Variants in PITPNC1 observed in about 807,000 individuals in gnomAD.
The protein encoded by PITPNC1 is phosphatidylinositol transfer protein cytoplasmic 1, also known as cytoplasmic phosphatidylinositol transfer protein 1.
Under a neutral mutation model 44.7 loss-of-function variants are expected in PITPNC1, and 18 were observed. The ratio of observed to expected loss-of-function variants is 0.40; its 90% confidence interval spans 0.28 to 0.60. The LOEUF (loss-of-function observed/expected upper bound fraction) is 0.60. PITPNC1 is among the 20% of genes least tolerant of loss of function. The probability of loss-of-function intolerance (pLI) is 0.39; values close to 1 mark genes in which losing one functional copy is unlikely to be tolerated. For synonymous variants in PITPNC1, 141 were observed against 149.6 expected (o/e 0.94, Z 0.42); for missense variants, 290 against 418.4 (o/e 0.69, Z 2.68).
chr17:67,575,099 G>C (rs917950912), intron 4 of PITPNC1, among the ~76,000 whole-genome samples: 2 of 151,946 alleles, frequency 1.3e-5, no homozygotes, highest in Non-Finnish European at 1.5e-5. Flanking sequence ...CTGGTGCACC[G>C]AGACCCACAC....
chr17:67,552,421 A>G, intron 3 of PITPNC1, 76 bp downstream of exon 3: 2 of 856,422 alleles, frequency 2.3e-6, no homozygotes, highest in Non-Finnish European at 4.1e-6. Context: ...ACTGATTTAC[A>G]GTGGATTATC....
intron 1 of PITPNC1, among the ~76,000 whole-genome samples, chr17:67,464,107 C>A (rs368829653): frequency 2.6e-5 from 4 of 151,666 alleles, no homozygotes; most frequent in African/African-American, 9.7e-5. Flanking sequence ...GCAGGAGAAT[C>A]GCTTGAACCC....
intron 1 of PITPNC1, chr17:67,378,941 G>C: frequency 3.0e-6 from 3 of 983,766 alleles, no homozygotes; most frequent in Non-Finnish European, 3.6e-6. Flanking sequence ...GCCGGCTGGG[G>C]GCGCCGGGCG....
Position 67,462,010 on chromosome 17 carries a change from T to TTC in PITPNC1, c.49-70790_49-70789dup, listed in dbSNP as rs1321852238. 2.0e-5 allele frequency among the ~76,000 whole-genome samples: 3 copies of TTC among 152,080 alleles called. No individual in the cohort carries two copies. In the East Asian group the frequency reaches 5.8e-4, roughly 29 times the overall value. Reference sequence around the variant, plus strand: ...TGCTCATCCCTGTTTCTGGAAGGGCTTCTGCTCCAGGTCTCTCTGGGTAAT... The same window carrying TTC: ...TGCTCATCCCTGTTTCTGGAAGGGCTTCTCTGCTCCAGGTCTCTCTGGGTAAT... On this transcript the variant is annotated intron_variant, in intron 1 of 8. Transcript: ENST00000581322.
intron 6 of PITPNC1, among the ~76,000 whole-genome samples, chr17:67,640,690 A>AG: frequency 7.1e-6 from 1 of 140,540 alleles, no homozygotes. Flanking sequence ...AAAAAGAAAA[A>AG]AAAAAAAAAA....
intron 1 of PITPNC1, among the ~76,000 whole-genome samples, chr17:67,395,670 A>G (rs1246852755): frequency 6.6e-6 from 1 of 152,182 alleles, no homozygotes; most frequent in Non-Finnish European, 1.5e-5. Flanking sequence ...ATGAATCATC[A>G]TTCGGGATTA....
chr17:67,617,223 TG>T (rs1223543838), intron 5 of PITPNC1, among the ~76,000 whole-genome samples: 1 of 152,144 alleles, frequency 6.6e-6, no homozygotes, highest in Non-Finnish European at 1.5e-5. Flanking sequence ...ACCAGAGAGT[TG>T]GCTGGGCACA....
At chr17:67,636,496 A>G (rs978720102) in intron 6 of PITPNC1, among the ~76,000 whole-genome samples, 3 of 152,164 alleles carry the variant, frequency 2.0e-5, no homozygotes, top group Non-Finnish European at 4.4e-5. Context: ...CTGCACATTC[A>G]TCATCCATTG....
intron 1 of PITPNC1, among the ~76,000 whole-genome samples, chr17:67,529,633 A>C (rs1339316465): frequency 6.6e-6 from 1 of 152,186 alleles, no homozygotes; most frequent in African/African-American, 2.4e-5. Context: ...AAAGTGCCAC[A>C]AACTGGGTGG....
chr17:67,439,880 G>T (rs1030259414), intron 1 of PITPNC1, among the ~76,000 whole-genome samples: 8 of 151,802 alleles, frequency 5.3e-5, no homozygotes, highest in African/African-American at 1.9e-4. Context: ...GATGAATCAA[G>T]GAAAAAGATA....
At chr17:67,396,967 T>A (rs1197295735) in intron 1 of PITPNC1, among the ~76,000 whole-genome samples, 1 of 150,540 alleles carries the variant, frequency 6.6e-6, no homozygotes, top group Non-Finnish European at 1.5e-5. Context: ...CATCTTATTT[T>A]TTTAAATTTA....
At chr17:67,469,097 G>A (rs2039474856) in intron 1 of PITPNC1, among the ~76,000 whole-genome samples, 1 of 152,150 alleles carries the variant, frequency 6.6e-6, no homozygotes, top group South Asian at 2.1e-4. Flanking sequence ...TTCTTTAAGG[G>A]CCTGTCACCT....
intron 5 of PITPNC1, among the ~76,000 whole-genome samples, chr17:67,622,746 C>T (rs1198366939): frequency 6.6e-6 from 1 of 151,804 alleles, no homozygotes; most frequent in Non-Finnish European, 1.5e-5. Flanking sequence ...TGTGGTGGCG[C>T]ATGCCTGTAG....
intron 5 of PITPNC1, among the ~76,000 whole-genome samples, chr17:67,628,041 C>T (rs1033695556): frequency 6.6e-6 from 1 of 151,696 alleles, no homozygotes; most frequent in South Asian, 2.1e-4. Flanking sequence ...ATTCTCATGC[C>T]TCAGTCTCCT....
chr17:67,535,252 T>G (rs1278906719), intron 2 of PITPNC1, among the ~76,000 whole-genome samples: 1 of 152,226 alleles, frequency 6.6e-6, no homozygotes, highest in Admixed American at 6.5e-5. Flanking sequence ...GCATGGCTTT[T>G]TTACAGAGAC....
chr17:67,412,878 T>C (rs946911553), intron 1 of PITPNC1, among the ~76,000 whole-genome samples: 2 of 152,230 alleles, frequency 1.3e-5, no homozygotes, highest in African/African-American at 2.4e-5. Context: ...CATATTTCTC[T>C]TTATACTTAA....
At chr17:67,547,999 C>T (rs755872568) in intron 2 of PITPNC1, among the ~76,000 whole-genome samples, 22 of 152,118 alleles carry the variant, frequency 1.4e-4, no homozygotes, top group Non-Finnish European at 2.9e-4. Flanking sequence ...GAGGCTGAGC[C>T]GCACCCTGGG....
chr17:67,619,670 T>C (rs964086228), intron 5 of PITPNC1, among the ~76,000 whole-genome samples: 3 of 152,096 alleles, frequency 2.0e-5, no homozygotes. Context: ...TCATCTCTGA[T>C]CAAAGCTTTT....
In PITPNC1 at chr17:67,411,014, G is replaced by A. The variant is rs1247120536; in HGVS notation, c.48+32812G>A. Among the ~76,000 whole-genome samples, 9 of 151,620 alleles carry A rather than the reference G, an allele frequency of 5.9e-5. No homozygotes were observed. In the East Asian group the frequency reaches 7.9e-4, roughly 13 times the overall value. Reference sequence around the variant, plus strand: ...AGAGAACTACTTGAACTCGGGAGGCGGAGGTTGCAGTGAGCCGAGATTGCG... The same window carrying A: ...AGAGAACTACTTGAACTCGGGAGGCAGAGGTTGCAGTGAGCCGAGATTGCG... On this transcript the variant is annotated intron_variant, in intron 1 of 8. Transcript: ENST00000581322.
Sources: allele counts gnomAD v4.1 joint callset (sites outside exome capture counted in the v4.1 genomes callset), GRCh38; gene constraint gnomAD v4.1.1; transcripts MANE v1.5; gene names NCBI Gene and HGNC (gene_info 2026-07-23, HGNC 2026-07-21).